Variants in ZER1 observed in about 807,000 individuals in gnomAD.
The protein encoded by ZER1 is zyg-11 related cell cycle regulator, also known as protein zer-1 homolog.
Under a neutral mutation model 78.8 loss-of-function variants are expected in ZER1, and 11 were observed. The ratio of observed to expected loss-of-function variants is 0.14; its 90% CI spans 0.09 to 0.23. The LOEUF (loss-of-function observed/expected upper bound fraction) is 0.23, where lower values mean the gene tolerates loss of function less well. Ranked by LOEUF, ZER1 falls within the 10% of genes least tolerant of loss-of-function variation. The pLI, the probability that ZER1 is intolerant of heterozygous loss-of-function variation, is 1.00. For missense variants in ZER1, 588 were observed against 996.9 expected (o/e 0.59, Z 5.52); for synonymous variants, 400 against 407.0 (o/e 0.98, Z 0.21).
intron 8 of ZER1, among the ~76,000 whole-genome samples, chr9:128,747,226 CACAT>C (rs939209389): frequency 6.6e-6 from 1 of 151,652 alleles, no homozygotes; most frequent in African/African-American, 2.4e-5. Context: ...TATACACACA[CACAT>C]ACTGCCCCTG....
intron 8 of ZER1, among the ~76,000 whole-genome samples, chr9:128,743,123 CT>C (rs557303084): frequency 1.1e-3 from 156 of 145,794 alleles, no homozygotes; most frequent in South Asian, 3.3e-3. Context: ...CTTTTTCTTT[CT>C]TTTTTTTTTT....
intron 1 of ZER1, among the ~76,000 whole-genome samples, chr9:128,764,125 G>T (rs1449709795): frequency 6.6e-6 from 1 of 152,168 alleles, no homozygotes; most frequent in African/African-American, 2.4e-5. Flanking sequence ...GGGTGCATGG[G>T]ACGTTGGCAC....
At chr9:128,736,662 C>A (rs926173698) in intron 13 of ZER1, among the ~76,000 whole-genome samples, 11 of 150,436 alleles carry the variant, frequency 7.3e-5, no homozygotes, top group African/African-American at 1.5e-4. Context: ...CGTGAGCCAC[C>A]ATGCCTGGCC....
intron 9 of ZER1, 23 bp from the exon 10 acceptor site, chr9:128,741,864 G>A (rs200829796): frequency 1.2e-6 from 2 of 1,614,186 alleles, no homozygotes; most frequent in Admixed American, 3.3e-5. Flanking sequence ...ACAAGAGTCT[G>A]CTAGAGTGCT....
chr9:128,731,236 G>T lies in ZER1; in HGVS notation c.*101C>A. 4 of 1,125,472 alleles carry T rather than the reference G, an allele frequency of 3.6e-6. No individual in the cohort carries two copies. Among genetic ancestry groups the T allele is most frequent in the Non-Finnish European group, 5.1e-6 (4 of 779,910 alleles). 69.7% of individuals were successfully genotyped at this position (1,125,472 alleles called of 1,614,324 possible). ...AAAGTCCCCCATGTCTCTTCACTCC[G>T]TGGGAGGCTCCCTCGGAAGGGGCCC... On this transcript the variant is annotated 3_prime_UTR_variant, in exon 16 of 16. Coordinates refer to ENST00000291900, the MANE Select transcript of ZER1 (RefSeq NM_006336.4).
chr9:128,752,540 C>T, intron 5 of ZER1, 133 bp downstream of exon 5: 13 of 1,010,202 alleles, frequency 1.3e-5, no homozygotes, highest in Non-Finnish European at 1.8e-5. Flanking sequence ...AGGCTGGTCT[C>T]TAACTCCTGG....
intron 14 of ZER1, among the ~76,000 whole-genome samples, chr9:128,734,773 G>A (rs541712759): frequency 6.6e-6 from 1 of 151,968 alleles, no homozygotes; most frequent in East Asian, 1.9e-4. Flanking sequence ...ACAAATCCAA[G>A]GACTAAGATT....
chr9:128,767,779 C>T (rs1049177659), intron 1 of ZER1, among the ~76,000 whole-genome samples: 1 of 152,154 alleles, frequency 6.6e-6, no homozygotes, highest in Non-Finnish European at 1.5e-5. Flanking sequence ...CTCACATGAT[C>T]CAGTACTGCT....
intron 8 of ZER1, among the ~76,000 whole-genome samples, chr9:128,748,234 T>C (rs983030201): frequency 6.6e-6 from 1 of 151,778 alleles, no homozygotes; most frequent in Non-Finnish European, 1.5e-5. Context: ...TGAAACCCCG[T>C]CTCCACTAAA....
intron 13 of ZER1, 67 bp downstream of exon 13, chr9:128,739,864 A>C (rs893904765): frequency 6.5e-7 from 1 of 1,542,028 alleles, no homozygotes; most frequent in Non-Finnish European, 8.8e-7. Flanking sequence ...CCTTAATGGT[A>C]TGAGCATCCT....
rs746036225 is a variant in ZER1, at chr9:128,742,572, G to A, written c.1533C>T (p.Asp511=). The change falls in exon 9 of 16, where the codon GAC becomes GAT. Residue 511 remains aspartate (D), a synonymous_variant. Transcript: ENST00000291900. ...TGCCCACGGCCTCCTTGTGGTCGTT[G>A]TCTACCTGGCAGACCAGGGCATTGC... ...HLCNALVCQV[D]NDHKEAVGKM... The A allele has an allele frequency of 6.2e-7, 1 of 1,614,248 alleles. No individual in the cohort carries two copies. The highest frequency in any genetic ancestry group is 1.7e-5 in the Admixed American group (1 of 60,038).
rs1863780769 is a variant in ZER1 at position 128,754,097 on chromosome 9, G to T, written c.159-138C>A. On this transcript the variant is annotated intron_variant, in intron 2 of 15. Transcript: ENST00000291900. The surrounding 1 kb of genome is among the most constrained non-coding windows in gnomAD (Gnocchi z 4.3). The stretch of plus-strand genomic sequence containing the variant: ...TCCTTCTCCTAAGAGTATCTGGTCA[G>T]ATCCTGACTAAACTACCAGTAAGAT... The T allele has an allele frequency of 1.8e-6, 2 of 1,122,920 alleles. No homozygotes were observed. Among genetic ancestry groups the T allele is most frequent in the Non-Finnish European group, 2.5e-6 (2 of 799,092 alleles). 69.6% of individuals were successfully genotyped at this position (1,122,920 alleles called of 1,614,324 possible).
At chr9:128,752,898 G>C in intron 4 of ZER1, 49 bp from the exon 5 acceptor site, 1 of 1,575,928 alleles carries the variant, frequency 6.3e-7, no homozygotes, top group South Asian at 1.2e-5. Flanking sequence ...TACAGGGTGG[G>C]GCTGCCTTGC....
In ZER1 at chr9:128,755,630, T is replaced by C. The variant is rs2132456770; in HGVS notation, c.-65A>G. The C allele has an allele frequency of 1.3e-6, 2 of 1,574,932 alleles. No individual in the cohort carries two copies. The highest frequency in any genetic ancestry group is 1.7e-6 in the Non-Finnish European group (2 of 1,151,640). On this transcript the variant is annotated 5_prime_UTR_variant, in exon 2 of 16. Coordinates refer to ENST00000291900, the MANE Select transcript of ZER1 (RefSeq NM_006336.4). The surrounding 1 kb of genome is among the most constrained non-coding windows in gnomAD (Gnocchi z 5.6). ...CCCAGGGGCAACAGTGATTCCTGAA[T>C]ACTCACAGGATCATTGGCAGAGCCA... is the stretch of plus-strand genomic sequence containing the variant.
chr9:128,734,144 A>ATATATATATATATATATATATATAT (rs1554784814), intron 14 of ZER1, among the ~76,000 whole-genome samples: 7 of 14,412 alleles, frequency 4.9e-4, no homozygotes, highest in African/African-American at 7.5e-4. Flanking sequence ...AAAAAAAAAA[A>ATATATATATATATATATATATATAT]ATATATATAT....
Position 128,741,654 on chromosome 9 carries a change from A to G in ZER1, c.1618T>C (p.Cys540Arg). 1 of 1,614,092 alleles carries G rather than the reference A, an allele frequency of 6.2e-7. No homozygotes were observed. Reference sequence around the variant, plus strand: ...CAGGAGAACTCCATGACCTGGTCACACTGTGAGGGCAGGGCAGGGCTCAGC... The same window carrying G: ...CAGGAGAACTCCATGACCTGGTCACGCTGTGAGGGCAGGGCAGGGCTCAGC... ...LIQKKLLDKT[C>R]DQVMEFSWSA... Residue 540 changes from cysteine (C) to arginine (R), a missense_variant and splice_region_variant, in exon 11 of 16, where the codon TGT becomes CGT. This residue lies in a region of ZER1 where 60 missense variants were observed against 163.3 expected (regional missense o/e 0.37). Coordinates refer to ENST00000291900, the MANE Select transcript of ZER1 (RefSeq NM_006336.4).
At chr9:128,744,786 G>T (rs540020599) in intron 8 of ZER1, among the ~76,000 whole-genome samples, 1 of 152,242 alleles carries the variant, frequency 6.6e-6, no homozygotes, top group Non-Finnish European at 1.5e-5. Context: ...GCTGGCCCCC[G>T]CTTTTTATAG....
intron 8 of ZER1, among the ~76,000 whole-genome samples, chr9:128,747,734 C>A (rs925259478): frequency 6.6e-6 from 1 of 152,108 alleles, no homozygotes; most frequent in Non-Finnish European, 1.5e-5. Flanking sequence ...CTGCCTTAGC[C>A]TCCGGAGTGG....
chr9:128,752,896 G>A, intron 4 of ZER1, 47 bp from the exon 5 acceptor site: 2 of 1,578,358 alleles, frequency 1.3e-6, no homozygotes, highest in Non-Finnish European at 8.6e-7. Flanking sequence ...GGTACAGGGT[G>A]GGGCTGCCTT....
Sources: gnomAD v4.1 joint callset for allele counts (sites outside exome capture counted in the v4.1 genomes callset) on GRCh38, gnomAD v4.1.1 for gene constraint, gnomAD v4.1.1 regional missense constraint, Gnocchi (gnomAD v3.1) non-coding constraint, MANE v1.5 for transcripts, NCBI Gene and HGNC (gene_info 2026-07-23, HGNC 2026-07-21) for gene names.